GRIA1: variants seen among roughly 807,000 people sequenced by gnomAD.
GRIA1 encodes glutamate ionotropic receptor AMPA type subunit 1.
GRIA1 carries 31 observed loss-of-function variants against 99.2 expected under a neutral mutation model. That is an observed-to-expected ratio of 0.31 (90% confidence interval 0.23 to 0.42). The LOEUF (loss-of-function observed/expected upper bound fraction) is 0.42. Among genes scored for constraint, GRIA1 ranks in the 10% least tolerant of loss-of-function variants. The pLI, the probability that GRIA1 is intolerant of heterozygous loss-of-function variation, is 1.00. For missense variants in GRIA1, 782 were observed against 1,157.5 expected (o/e 0.68, Z 4.71); for synonymous variants, 438 against 432.4 (o/e 1.01, Z -0.16).
At chr5:153,765,364 G>C (rs1012458531) in intron 12 of GRIA1, among the ~76,000 whole-genome samples, 3 of 152,148 alleles carry the variant, frequency 2.0e-5, no homozygotes, top group African/African-American at 7.2e-5. Flanking sequence ...AAAAGAGATA[G>C]GGTATCTAAA....
At chr5:153,697,844 T>TC (rs1185091695) in intron 8 of GRIA1, among the ~76,000 whole-genome samples, 200 bp from the exon 9 acceptor site, 1 of 152,214 alleles carries the variant, frequency 6.6e-6, no homozygotes, top group African/African-American at 2.4e-5. Context: ...GTGGGGATTT[T>TC]CCCTGGGAGC....
At chr5:153,746,947 A>G (rs759949394) in intron 11 of GRIA1, among the ~76,000 whole-genome samples, 2 of 152,210 alleles carry the variant, frequency 1.3e-5, no homozygotes, top group Non-Finnish European at 2.9e-5. Flanking sequence ...GAAAAATCAC[A>G]TGAGTGGAAT....
intron 14 of GRIA1, among the ~76,000 whole-genome samples, chr5:153,801,225 C>T (rs1165837855): frequency 6.6e-6 from 1 of 151,662 alleles, no homozygotes; most frequent in Non-Finnish European, 1.5e-5. Flanking sequence ...GTCCCTCAGA[C>T]CTTCACTTTT....
intron 2 of GRIA1, among the ~76,000 whole-genome samples, chr5:153,586,486 C>T (rs911282919): frequency 6.6e-6 from 1 of 152,166 alleles, no homozygotes; most frequent in Non-Finnish European, 1.5e-5. Context: ...AATTTTTCTC[C>T]AGAGTCTCTT....
At chr5:153,568,239 T>C (rs1389614691) in intron 2 of GRIA1, among the ~76,000 whole-genome samples, 5 of 152,242 alleles carry the variant, frequency 3.3e-5, no homozygotes, top group Non-Finnish European at 7.3e-5. Flanking sequence ...ATTCCTAATA[T>C]AGTACTTAGC....
chr5:153,528,608 A>G (rs953152874), intron 2 of GRIA1, among the ~76,000 whole-genome samples: 1 of 152,198 alleles, frequency 6.6e-6, no homozygotes, highest in Non-Finnish European at 1.5e-5. Flanking sequence ...TCCAGGGACC[A>G]CCTTTTGAGA....
At chr5:153,496,051 A>T (rs1754386932) in intron 2 of GRIA1, among the ~76,000 whole-genome samples, 1 of 152,234 alleles carries the variant, frequency 6.6e-6, no homozygotes, top group African/African-American at 2.4e-5. Flanking sequence ...TGGTTGAAAG[A>T]GATGTGAACT....
chr5:153,620,582 C>T (rs559819816), intron 2 of GRIA1, among the ~76,000 whole-genome samples: 12 of 152,150 alleles, frequency 7.9e-5, no homozygotes, highest in Non-Finnish European at 1.5e-4. Flanking sequence ...CCAGGGAATT[C>T]GTGTTTACTG....
At chr5:153,646,535 T>A (rs1258508208) in intron 2 of GRIA1, among the ~76,000 whole-genome samples, 1 of 152,184 alleles carries the variant, frequency 6.6e-6, no homozygotes, top group Non-Finnish European at 1.5e-5. Flanking sequence ...GACCCAGTCA[T>A]CCCTTTCTAG....
At position 153,794,747 on chromosome 5, in the gene GRIA1, T is replaced by C. The variant is rs1561866381; in HGVS notation, c.2385+12T>C. 6.5e-7 allele frequency: 1 copy of C among 1,528,174 alleles called. No individual in the cohort carries two copies. Among genetic ancestry groups the C allele is most frequent in the East Asian group, 2.3e-5 (1 of 44,308 alleles). 94.7% of individuals were successfully genotyped at this position (1,528,174 alleles called of 1,614,324 possible). On this transcript the variant is annotated intron_variant, in intron 14 of 15. Transcript: ENST00000285900. Reference sequence around the variant, plus strand: ...GAGGTGATTCCAAGGTCAGCCCCAGTAAGAAAAAAAAAAACCTAGTGGGTA... The same window carrying C: ...GAGGTGATTCCAAGGTCAGCCCCAGCAAGAAAAAAAAAAACCTAGTGGGTA...
At chr5:153,576,457 A>G (rs12520758) in intron 2 of GRIA1, among the ~76,000 whole-genome samples, 21,553 of 152,150 alleles carry the variant, frequency 0.14, 1,743 homozygotes, top group South Asian at 0.3. Flanking sequence ...TGGGCTCTCT[A>G]CTTCAGTTTA....
At chr5:153,594,166 A>G (rs912429689) in intron 2 of GRIA1, among the ~76,000 whole-genome samples, 1 of 152,026 alleles carries the variant, frequency 6.6e-6, no homozygotes, top group African/African-American at 2.4e-5. Context: ...TTTGTCTCTA[A>G]AGTTCTAACT....
chr5:153,789,216 G>C (rs115790988), intron 13 of GRIA1, among the ~76,000 whole-genome samples: 1 of 151,994 alleles, frequency 6.6e-6, no homozygotes, highest in South Asian at 2.1e-4. Flanking sequence ...TCTTAAAATT[G>C]TTGTCTAATA....
intron 11 of GRIA1, among the ~76,000 whole-genome samples, chr5:153,707,059 C>T (rs1758947822): frequency 6.6e-6 from 1 of 152,034 alleles, no homozygotes; most frequent in South Asian, 2.1e-4. Flanking sequence ...GCAGAGGTTG[C>T]AGTGAGGCAA....
rs1338164796 is a variant in GRIA1 at position 153,674,655 on chromosome 5, A to T, written c.855A>T (p.Arg285Ser). The change falls in exon 6 of 16, where the codon AGA becomes AGT. Residue 285 changes from arginine (R) to serine (S), a missense_variant. Physicochemically the swap from Arg to Ser is moderately radical, Grantham distance 110. This residue lies in a region of GRIA1 where 461 missense variants were observed against 521.7 expected (regional missense o/e 0.88). Transcript: ENST00000285900. ...ACCACACACGGGTGGACTGGAAGAG[A>T]CCCAAGGTGAGTGGATGGGCAGCCA... is the stretch of plus-strand genomic sequence containing the variant. ...ARDHTRVDWKRPKYTSALTYD... is the reference protein window; with the variant it reads ...ARDHTRVDWKSPKYTSALTYD... 6.2e-7 allele frequency: 1 copy of T among 1,613,834 alleles called. No homozygotes were observed. Among genetic ancestry groups the T allele is most frequent in the Admixed American group, 1.7e-5 (1 of 60,014 alleles).
intron 2 of GRIA1, among the ~76,000 whole-genome samples, chr5:153,609,644 G>A (rs778829): frequency 0.69 from 102,596 of 148,234 alleles, 35,822 homozygotes; most frequent in East Asian, 0.79. Flanking sequence ...GCTCACTGCA[G>A]GCTCCACCTT....
intron 2 of GRIA1, among the ~76,000 whole-genome samples, chr5:153,532,003 G>T (rs949177894): frequency 1.3e-5 from 2 of 152,126 alleles, no homozygotes; most frequent in African/African-American, 2.4e-5. Context: ...GAAACTTAAT[G>T]ATTGGAGTCC....
In GRIA1 at chr5:153,635,301, C is replaced by T. The variant is rs144542770; in HGVS notation, c.221-11627C>T. 5.9e-5 allele frequency among the ~76,000 whole-genome samples: 9 copies of T among 152,300 alleles called. No individual in the cohort carries two copies. The East Asian group carries it at 9.7e-4, about 16-fold the overall frequency. Reference sequence around the variant, plus strand: ...GTGTTCCTTGCGGTAGTGGTTCATTCGTGAACCAGCAGAAGGTATTTTGTG... The same window carrying T: ...GTGTTCCTTGCGGTAGTGGTTCATTTGTGAACCAGCAGAAGGTATTTTGTG... On this transcript the variant is annotated intron_variant, in intron 2 of 15. Transcript: ENST00000285900.
chr5:153,589,325 T>C (rs1763762327), intron 2 of GRIA1, among the ~76,000 whole-genome samples: 1 of 152,142 alleles, frequency 6.6e-6, no homozygotes, highest in African/African-American at 2.4e-5. Flanking sequence ...CCCCGAGCAG[T>C]TGGTTTATCT....
Sources: allele counts gnomAD v4.1 joint callset (sites outside exome capture counted in the v4.1 genomes callset), GRCh38; gene constraint gnomAD v4.1.1; regional missense constraint gnomAD v4.1.1; transcripts MANE v1.5; gene names NCBI Gene and HGNC (gene_info 2026-07-23, HGNC 2026-07-21).